The following MSRA variants were observed in gnomAD, a reference collection of about 807,000 sequenced individuals.
MSRA encodes methionine sulfoxide reductase A.
In MSRA, 54 loss-of-function variants were observed where a neutral mutation model predicts 31.3. The observed-to-expected ratio is 1.73, with a 90% CI of 1.39 to 2.17. The LOEUF (loss-of-function observed/expected upper bound fraction) is 2.17. Among genes scored for constraint, MSRA ranks in the 30% most tolerant of loss-of-function variants. MSRA has a pLI of 0.00. For synonymous variants in MSRA, 169 were observed against 116.5 expected (o/e 1.45, Z -2.90); for missense variants, 507 against 300.9 (o/e 1.69, Z -5.07).
At chr8:10,060,628 C>A (rs1453849159) in intron 1 of MSRA, among the ~76,000 whole-genome samples, 1 of 149,404 alleles carries the variant, frequency 6.7e-6, no homozygotes, top group Admixed American at 6.7e-5. Flanking sequence ...TTTTGTCATA[C>A]TTACTTGAAG....
At chr8:10,293,444 G>A (rs2129118714) in intron 3 of MSRA, among the ~76,000 whole-genome samples, 1 of 152,318 alleles carries the variant, frequency 6.6e-6, no homozygotes, top group Non-Finnish European at 1.5e-5. Context: ...GCGTGTGACT[G>A]CTCAGGCGTG....
chr8:10,366,091 C>T (rs1197006332), intron 5 of MSRA, among the ~76,000 whole-genome samples: 1 of 152,232 alleles, frequency 6.6e-6, no homozygotes, highest in African/African-American at 2.4e-5. Flanking sequence ...GTGATGTTTA[C>T]TGGTCTTGTG....
At chr8:10,288,511 C>CT (rs1327426270) in intron 3 of MSRA, among the ~76,000 whole-genome samples, 1 of 152,094 alleles carries the variant, frequency 6.6e-6, no homozygotes, top group Non-Finnish European at 1.5e-5. Flanking sequence ...TGTTGGCATG[C>CT]TTTTAAGATA....
intron 3 of MSRA, among the ~76,000 whole-genome samples, chr8:10,247,241 T>G (rs1797669934): frequency 6.6e-6 from 1 of 152,222 alleles, no homozygotes; most frequent in Non-Finnish European, 1.5e-5. Flanking sequence ...TTCTATCTTT[T>G]ACAGAGGGAG....
chr8:10,120,231 C>T (rs892607107), intron 1 of MSRA, among the ~76,000 whole-genome samples: 5 of 152,104 alleles, frequency 3.3e-5, no homozygotes, highest in African/African-American at 9.7e-5. Context: ...GATTAGGCAC[C>T]GGCAAGAGTC....
At chr8:10,317,077 A>G (rs1056532170) in intron 4 of MSRA, among the ~76,000 whole-genome samples, 2 of 152,136 alleles carry the variant, frequency 1.3e-5, no homozygotes, top group African/African-American at 2.4e-5. Context: ...AGGTCATGCT[A>G]GTAGGAGTCA....
rs145463684 is a variant in MSRA, at chr8:10,090,560, G to C, written c.142+35902G>C. Among the ~76,000 whole-genome samples the C allele has an allele frequency of 5.1e-4, 77 of 152,274 alleles. 1 individual carries two copies. The highest frequency in any genetic ancestry group is 1.6e-3 in the African/African-American group (68 of 41,560). ...ATGTAATTCACATGCCATAAAACTT[G>C]TCATTTTATTATGTACAATCCAGTG... On this transcript the variant is annotated intron_variant, in intron 1 of 5. Coordinates refer to ENST00000317173, the MANE Select transcript of MSRA (RefSeq NM_012331.5).
chr8:10,359,759 C>G (rs972998422), intron 5 of MSRA, among the ~76,000 whole-genome samples: 10 of 152,136 alleles, frequency 6.6e-5, no homozygotes, highest in African/African-American at 2.2e-4. Context: ...GGAGGATGGT[C>G]TCAGATGGAG....
At chr8:10,324,778 A>G (rs867477128) in intron 5 of MSRA, among the ~76,000 whole-genome samples, 1 of 152,214 alleles carries the variant, frequency 6.6e-6, no homozygotes, top group African/African-American at 2.4e-5. Context: ...AAGACCCCAT[A>G]CAAGTTAGCC....
intron 2 of MSRA, among the ~76,000 whole-genome samples, chr8:10,234,408 G>A (rs1270637691): frequency 6.6e-6 from 1 of 152,122 alleles, no homozygotes; most frequent in Non-Finnish European, 1.5e-5. Context: ...GGAAAACATA[G>A]TGAAGTGGGT....
At chr8:10,106,860 C>G (rs182333864) in intron 1 of MSRA, among the ~76,000 whole-genome samples, 2 of 151,904 alleles carry the variant, frequency 1.3e-5, no homozygotes, top group East Asian at 1.9e-4. Flanking sequence ...TAACTACCCA[C>G]GCACCTACCC....
chr8:10,348,023 T>C (rs943825664), intron 5 of MSRA, among the ~76,000 whole-genome samples: 2 of 152,220 alleles, frequency 1.3e-5, no homozygotes, highest in Non-Finnish European at 2.9e-5. Flanking sequence ...ATGGTAAATA[T>C]CTGTTGAGTA....
At chr8:10,332,227 T>C (rs1407733540) in intron 5 of MSRA, among the ~76,000 whole-genome samples, 2 of 152,264 alleles carry the variant, frequency 1.3e-5, no homozygotes, top group African/African-American at 4.8e-5. Flanking sequence ...ACCGAAAGAC[T>C]GTTGTTTTCA....
chr8:10,396,294 CCTTA>C (rs1402281595), intron 5 of MSRA, among the ~76,000 whole-genome samples: 1 of 152,206 alleles, frequency 6.6e-6, no homozygotes, highest in Non-Finnish European at 1.5e-5. Context: ...CCTCTCCCCT[CCTTA>C]CTTCTTTTTT....
intron 1 of MSRA, among the ~76,000 whole-genome samples, chr8:10,077,479 CTTTTTTTTT>C (rs10714477): frequency 2.0e-5 from 2 of 101,240 alleles, no homozygotes; most frequent in Non-Finnish European, 3.9e-5. Context: ...CTACCTTCTC[CTTTTTTTTT>C]TTTTTTTTTT....
At chr8:10,153,958 A>G (rs763554683) in intron 1 of MSRA, among the ~76,000 whole-genome samples, 35 of 152,224 alleles carry the variant, frequency 2.3e-4, no homozygotes, top group Admixed American at 7.2e-4. Context: ...TGTATTTGAC[A>G]AAATTTGACA....
At chr8:10,108,254 T>C (rs1343486867) in intron 1 of MSRA, among the ~76,000 whole-genome samples, 5 of 152,232 alleles carry the variant, frequency 3.3e-5, no homozygotes, top group Non-Finnish European at 1.5e-5. Flanking sequence ...TACCCATTGG[T>C]TCCATTTTCA....
At chr8:10,060,314 A>G (rs2128911822) in intron 1 of MSRA, among the ~76,000 whole-genome samples, 1 of 152,334 alleles carries the variant, frequency 6.6e-6, no homozygotes. Context: ...ATGGGTATGG[A>G]GGGATTGCCA....
intron 5 of MSRA, among the ~76,000 whole-genome samples, chr8:10,415,452 CT>C (rs1808399949): frequency 6.6e-6 from 1 of 152,146 alleles, no homozygotes; most frequent in South Asian, 2.1e-4. Flanking sequence ...CACGTGGTTC[CT>C]TCAGTCTCCT....
Sources: allele counts gnomAD v4.1 joint callset (sites outside exome capture counted in the v4.1 genomes callset), GRCh38; gene constraint gnomAD v4.1.1; transcripts MANE v1.5; gene names NCBI Gene and HGNC (gene_info 2026-07-23, HGNC 2026-07-21).